CNTNAP2: variants seen among roughly 807,000 people sequenced by gnomAD.
CNTNAP2 encodes contactin associated protein 2.
In CNTNAP2, 98 loss-of-function variants were observed where a neutral mutation model predicts 155.2. The observed-to-expected ratio is 0.63, with a 90% confidence interval of 0.54 to 0.75. The LOEUF is 0.75. CNTNAP2 is among the 30% of genes least tolerant of loss of function. The pLI is 0.00. For synonymous variants in CNTNAP2, 651 were observed against 631.2 expected (o/e 1.03, Z -0.47); for missense variants, 1,727 against 1,688.1 (o/e 1.02, Z -0.40).
intron 13 of CNTNAP2, among the ~76,000 whole-genome samples, chr7:147,754,224 G>T (rs111800728): frequency 8.5e-5 from 13 of 152,270 alleles, no homozygotes; most frequent in African/African-American, 2.9e-4. Context: ...CTCAAAAAAG[G>T]TTTTAAAAAT....
At chr7:147,082,103 A>G (rs943065036) in intron 4 of CNTNAP2, 10 of 152,222 alleles carry the variant, frequency 6.6e-5, no homozygotes, top group Admixed American at 3.9e-4. Flanking sequence ...GAAAAAAAAG[A>G]AAGGTAAAGG....
At chr7:146,706,250 C>T (rs1456350821) in intron 1 of CNTNAP2, among the ~76,000 whole-genome samples, 3 of 152,084 alleles carry the variant, frequency 2.0e-5, no homozygotes, top group Non-Finnish European at 4.4e-5. Flanking sequence ...CTCATGGATT[C>T]TCATTGGTTC....
rs1460833274 is a variant in CNTNAP2 at position 148,415,688 on chromosome 7, T to TGCTTCATACTCTTG, written c.*73_*86dup. The TGCTTCATACTCTTG allele has an allele frequency of 1.9e-6, 3 of 1,547,050 alleles. No homozygotes were observed. The highest frequency in any genetic ancestry group is 1.8e-6 in the Non-Finnish European group (2 of 1,122,912). ...AGGAGAGAAAGGGACAAAAGCACCCTGCTTCATACTCTTGAGCACATCCTT... is the reference window on the plus strand; with the variant it reads ...AGGAGAGAAAGGGACAAAAGCACCCTGCTTCATACTCTTGGCTTCATACTCTTGAGCACATCCTT... On this transcript the variant is annotated 3_prime_UTR_variant, in exon 24 of 24. Coordinates refer to ENST00000361727, the MANE Select transcript of CNTNAP2 (RefSeq NM_014141.6).
chr7:147,365,463 T>C lies in CNTNAP2; in HGVS notation c.1499-30146T>C, dbSNP rs1366329017. Reference sequence around the variant, plus strand: ...AGTCGTTCCTATTGTTTCTGGCTATTGTCACACATTATCTTTGTCAGATGA... The same window carrying C: ...AGTCGTTCCTATTGTTTCTGGCTATCGTCACACATTATCTTTGTCAGATGA... On this transcript the variant is annotated intron_variant, in intron 9 of 23. Transcript: ENST00000361727. 2.0e-5 allele frequency among the ~76,000 whole-genome samples: 3 copies of C among 151,864 alleles called. No individual in the cohort carries two copies. In the East Asian group the frequency reaches 5.8e-4, roughly 29 times the overall value.
intron 13 of CNTNAP2, among the ~76,000 whole-genome samples, chr7:147,807,065 A>T (rs545962492): frequency 6.6e-5 from 10 of 152,152 alleles, no homozygotes; most frequent in Non-Finnish European, 1.2e-4. Flanking sequence ...TAATCCTAGC[A>T]CTTTGGGAGG....
chr7:146,822,412 G>C (rs1462964670), intron 2 of CNTNAP2, among the ~76,000 whole-genome samples: 2 of 151,352 alleles, frequency 1.3e-5, no homozygotes, highest in African/African-American at 4.9e-5. Context: ...CATGGCACAT[G>C]TATACATATG....
chr7:147,642,122 G>C (rs979784968), intron 13 of CNTNAP2, among the ~76,000 whole-genome samples: 4 of 151,984 alleles, frequency 2.6e-5, no homozygotes, highest in Non-Finnish European at 5.9e-5. Flanking sequence ...AACCTCATCA[G>C]CTTGTCTTCA....
chr7:147,330,851 G>A (rs760018720), intron 9 of CNTNAP2, among the ~76,000 whole-genome samples: 7 of 152,054 alleles, frequency 4.6e-5, no homozygotes, highest in Non-Finnish European at 8.8e-5. Flanking sequence ...ATCAAACTAC[G>A]CTTATCAAAT....
chr7:146,170,425 C>A (rs951873478), intron 1 of CNTNAP2, among the ~76,000 whole-genome samples: 3 of 152,096 alleles, frequency 2.0e-5, no homozygotes, highest in Admixed American at 2.0e-4. Flanking sequence ...CTTTTCTTCA[C>A]ATGCTTGCCA....
intron 2 of CNTNAP2, among the ~76,000 whole-genome samples, chr7:146,821,148 C>A (rs1050669175): frequency 1.3e-5 from 2 of 152,118 alleles, no homozygotes; most frequent in African/African-American, 2.4e-5. Context: ...TTAATTGGAG[C>A]ATTTACCCCA....
At chr7:147,299,820 G>A (rs1794907509) in intron 8 of CNTNAP2, among the ~76,000 whole-genome samples, 1 of 152,090 alleles carries the variant, frequency 6.6e-6, no homozygotes, top group Non-Finnish European at 1.5e-5. Context: ...AGTGGCTCAC[G>A]CCTGTAATCC....
At chr7:147,586,906 C>T (rs1268641421) in intron 12 of CNTNAP2, among the ~76,000 whole-genome samples, 2 of 152,138 alleles carry the variant, frequency 1.3e-5, no homozygotes, top group African/African-American at 4.8e-5. Flanking sequence ...GAAGATTAAG[C>T]ATTTGTGCTC....
At position 148,325,383 on chromosome 7, in the gene CNTNAP2, A is replaced by G. The variant is rs549548195; in HGVS notation, c.3475+58257A>G. ...TAATCTGAGATTCCAGAACCCACCT[A>G]GTTTTTAACTTCATTTGTTTGTCTA... is the stretch of plus-strand genomic sequence containing the variant. On this transcript the variant is annotated intron_variant, in intron 21 of 23. Coordinates refer to ENST00000361727, the MANE Select transcript of CNTNAP2 (RefSeq NM_014141.6). Among the ~76,000 whole-genome samples, 12 of 152,360 alleles carry G rather than the reference A, an allele frequency of 7.9e-5. No homozygotes were observed. The South Asian group carries it at 2.3e-3, about 29-fold the overall frequency.
At chr7:146,896,627 A>G (rs1795883313) in intron 3 of CNTNAP2, among the ~76,000 whole-genome samples, 1 of 152,072 alleles carries the variant, frequency 6.6e-6, no homozygotes, top group Admixed American at 6.6e-5. Context: ...AGCAATTGCA[A>G]ATTTGCCATT....
intron 1 of CNTNAP2, among the ~76,000 whole-genome samples, chr7:146,425,245 TG>T (rs1454372542): frequency 6.6e-6 from 1 of 152,222 alleles, no homozygotes; most frequent in East Asian, 1.9e-4. Flanking sequence ...CTTGATTTTT[TG>T]GATAGTTTAC....
intron 1 of CNTNAP2, among the ~76,000 whole-genome samples, chr7:146,380,061 T>C (rs568519933): frequency 6.6e-6 from 1 of 152,320 alleles, no homozygotes; most frequent in African/African-American, 2.4e-5. Context: ...TAAAAAGAGC[T>C]GAATATGTTG....
intron 13 of CNTNAP2, among the ~76,000 whole-genome samples, chr7:147,802,557 C>A (rs1798019053): frequency 6.6e-6 from 1 of 152,218 alleles, no homozygotes; most frequent in Non-Finnish European, 1.5e-5. Context: ...GCGGATCACT[C>A]GCGGTTACGA....
intron 1 of CNTNAP2, among the ~76,000 whole-genome samples, chr7:146,674,699 T>C (rs1800367352): frequency 6.6e-6 from 1 of 152,056 alleles, no homozygotes; most frequent in Admixed American, 6.6e-5. Flanking sequence ...CTGTATCCCA[T>C]TTTAACAAAG....
At chr7:147,541,840 G>A (rs569941516) in intron 11 of CNTNAP2, among the ~76,000 whole-genome samples, 17 of 152,222 alleles carry the variant, frequency 1.1e-4, no homozygotes, top group South Asian at 2.1e-4. Context: ...GTTTATATAT[G>A]TGCCCCACTT....
Sources: gnomAD v4.1 joint callset for allele counts (sites outside exome capture counted in the v4.1 genomes callset) on GRCh38, gnomAD v4.1.1 for gene constraint, MANE v1.5 for transcripts, NCBI Gene and HGNC (gene_info 2026-07-23, HGNC 2026-07-21) for gene names.